The following MYH10 variants were observed in gnomAD, a reference collection of about 807,000 sequenced individuals.
The protein encoded by MYH10 is myosin-10.
A neutral mutation model predicts 257.8 loss-of-function variants in MYH10; 55 were observed. That is an observed-to-expected ratio of 0.21 (90% CI 0.17 to 0.27). The LOEUF is 0.27. Ranked by LOEUF, MYH10 falls within the 10% of genes least tolerant of loss-of-function variation. The probability of loss-of-function intolerance (pLI) is 1.00; values close to 1 mark genes in which losing one functional copy is unlikely to be tolerated. For synonymous variants in MYH10, 854 were observed against 921.7 expected (o/e 0.93, Z 1.33); for missense variants, 1,631 against 2,500.6 (o/e 0.65, Z 7.42).
chr17:8,599,691 C>T (rs181368569), intron 3 of MYH10, among the ~76,000 whole-genome samples: 2 of 152,244 alleles, frequency 1.3e-5, no homozygotes, highest in African/African-American at 2.4e-5. Context: ...TTTAAAGTAA[C>T]GGGTAAAACT....
In MYH10 at chr17:8,477,644, G is replaced by T. The variant is rs1029385288; in HGVS notation, c.5707-596C>A. ...CTCCGTGTTGCTAGGCCCCAAGGGT[G>T]GGGGTGGGAAGGGAAGGCCAGGTTG... On this transcript the variant is annotated intron_variant, in intron 41 of 42. Transcript: ENST00000360416. The surrounding 1 kb of genome is among the most constrained non-coding windows in gnomAD (Gnocchi z 4.2). Among the ~76,000 whole-genome samples, 1 of 152,284 alleles carries T rather than the reference G, an allele frequency of 6.6e-6. No homozygotes were observed. Among genetic ancestry groups the T allele is most frequent in the South Asian group, 2.1e-4 (1 of 4,826 alleles).
At chr17:8,496,799 A>G (rs545538790) in intron 30 of MYH10, among the ~76,000 whole-genome samples, 1 of 152,346 alleles carries the variant, frequency 6.6e-6, no homozygotes, top group Non-Finnish European at 1.5e-5. Context: ...ACTTGAATTT[A>G]GCAAGAGTTC....
At chr17:8,505,149 C>T (rs1244576232) in intron 27 of MYH10, among the ~76,000 whole-genome samples, 1 of 152,230 alleles carries the variant, frequency 6.6e-6, no homozygotes, top group Admixed American at 6.5e-5. Flanking sequence ...CCAGCCCCAG[C>T]CCCCTTTCCA....
chr17:8,496,197 AGACGCAGAGG>A (rs758217858), intron 30 of MYH10, among the ~76,000 whole-genome samples: 16 of 152,264 alleles, frequency 1.1e-4, no homozygotes, highest in South Asian at 2.1e-4. Context: ...GGTGCTGGGA[AGACGCAGAGG>A]GACGCAGAGG....
At chr17:8,512,231 A>G (rs967795456) in intron 24 of MYH10, among the ~76,000 whole-genome samples, 1 of 152,222 alleles carries the variant, frequency 6.6e-6, no homozygotes, top group South Asian at 2.1e-4. Flanking sequence ...CACTTAGAAC[A>G]TAAAAAAGAT....
chr17:8,602,904 A>T (rs917380202), intron 3 of MYH10, among the ~76,000 whole-genome samples: 2 of 152,222 alleles, frequency 1.3e-5, no homozygotes, highest in African/African-American at 4.8e-5. Flanking sequence ...GACACACAGT[A>T]ATTTTCAATA....
chr17:8,498,229 G>A (rs1217479902), intron 30 of MYH10, among the ~76,000 whole-genome samples: 6 of 151,650 alleles, frequency 4.0e-5, no homozygotes, highest in Non-Finnish European at 8.8e-5. Context: ...CAGGTGATCC[G>A]CCCACCTCAG....
intron 25 of MYH10, among the ~76,000 whole-genome samples, chr17:8,509,049 T>TCACC (rs1215212825): frequency 1.3e-5 from 2 of 152,214 alleles, no homozygotes; most frequent in African/African-American, 4.8e-5. Flanking sequence ...ACTCACTGAC[T>TCACC]CACCCAGAGC....
At chr17:8,508,141 A>C (rs1221821001) in intron 26 of MYH10, among the ~76,000 whole-genome samples, 1 of 152,120 alleles carries the variant, frequency 6.6e-6, no homozygotes, top group African/African-American at 2.4e-5. Flanking sequence ...TCCTGGGCAC[A>C]AGCAATTCTG....
At chr17:8,604,605 G>A (rs2084729428) in intron 3 of MYH10, among the ~76,000 whole-genome samples, 1 of 152,026 alleles carries the variant, frequency 6.6e-6, no homozygotes, top group Non-Finnish European at 1.5e-5. Flanking sequence ...AAATTTATGA[G>A]GTATTGTTTT....
At chr17:8,611,293 C>A (rs113987945) in intron 2 of MYH10, among the ~76,000 whole-genome samples, 1 of 152,146 alleles carries the variant, frequency 6.6e-6, no homozygotes, top group Non-Finnish European at 1.5e-5. Context: ...CCTAAGCCTG[C>A]CTGCCCAAAG....
chr17:8,486,680 G>C (rs1032906543), intron 36 of MYH10, among the ~76,000 whole-genome samples: 8 of 151,598 alleles, frequency 5.3e-5, no homozygotes, highest in African/African-American at 1.5e-4. Flanking sequence ...ATGTGAAAAT[G>C]TATACACACA....
intron 6 of MYH10, among the ~76,000 whole-genome samples, chr17:8,572,272 G>C (rs2064724197): frequency 6.6e-6 from 1 of 151,550 alleles, no homozygotes. Flanking sequence ...GAGAGAGAGA[G>C]AGAGAGAGAG....
intron 17 of MYH10, 46 bp downstream of exon 17, chr17:8,530,577 T>C: frequency 9.1e-7 from 1 of 1,095,330 alleles, no homozygotes; most frequent in Non-Finnish European, 1.2e-6. Flanking sequence ...TCCTGTGGGC[T>C]TAAAACCCTT....
chr17:8,552,186 C>A lies in MYH10; in HGVS notation c.821-42G>T. 2.8e-6 allele frequency: 3 copies of A among 1,078,324 alleles called. No homozygotes were observed. Among genetic ancestry groups the A allele is most frequent in the South Asian group, 4.5e-5 (2 of 44,044 alleles). 66.8% of individuals were successfully genotyped at this position (1,078,324 alleles called of 1,614,324 possible). On this transcript the variant is annotated intron_variant, in intron 8 of 42. Coordinates refer to ENST00000360416, the MANE Select transcript of MYH10 (RefSeq NM_001256012.3). This position sits in a 1 kb window ranked among gnomAD's most constrained non-coding sequence, Gnocchi z 4.8. ...AAGAATTAAATTATTTAATATAATT[C>A]TTAAATAAATAAAGGCCCTCTTTCA...
In MYH10 at chr17:8,511,047, TATATATATATATACAC is replaced by T. The variant is rs1363483543; in HGVS notation, c.2953-1114_2953-1099del. On this transcript the variant is annotated intron_variant, in intron 24 of 42. Transcript: ENST00000360416. ...ATATATATATATATATATATATATA[TATATATATATATACAC>T]ACATACATACATACACACACACACA... The T allele has an allele frequency of 2.7e-3, 96 of 35,584 alleles. 2 individuals are homozygous for T. The highest frequency in any genetic ancestry group is 8.3e-3 in the African/African-American group (91 of 10,940). 2.2% of individuals were successfully genotyped at this position (35,584 alleles called of 1,614,324 possible). A position where few individuals can be genotyped will look rare whatever the true frequency, so the allele number is the denominator to read the frequency against.
chr17:8,558,331 T>C (rs754481370), intron 7 of MYH10, among the ~76,000 whole-genome samples: 1 of 152,140 alleles, frequency 6.6e-6, no homozygotes, highest in Non-Finnish European at 1.5e-5. Flanking sequence ...CTTCCACACA[T>C]AGCACAGAGG....
chr17:8,589,796 G>A (rs1249359220), intron 3 of MYH10, among the ~76,000 whole-genome samples: 5 of 152,168 alleles, frequency 3.3e-5, no homozygotes, highest in Non-Finnish European at 7.4e-5. Flanking sequence ...ATAAAAAGGT[G>A]AAAATCAAAC....
In MYH10 at chr17:8,612,899, AC is replaced by A. The variant is rs2085099951; in HGVS notation, c.346-7918del. On this transcript the variant is annotated intron_variant, in intron 2 of 42. Transcript: ENST00000360416. ...CATAGGTATGTATGTATAGGAAAAA[AC>A]ATCATATATATATGGTTCAGTACCA... Among the ~76,000 whole-genome samples, 5 of 152,154 alleles carry A rather than the reference AC, an allele frequency of 3.3e-5. No homozygotes were observed. The South Asian group carries it at 1.0e-3, about 32-fold the overall frequency.
Sources: gnomAD v4.1 joint callset for allele counts (sites outside exome capture counted in the v4.1 genomes callset) on GRCh38, gnomAD v4.1.1 for gene constraint, Gnocchi (gnomAD v3.1) non-coding constraint, MANE v1.5 for transcripts, NCBI Gene and HGNC (gene_info 2026-07-23, HGNC 2026-07-21) for gene names.